Variants in SPEG observed in about 807,000 individuals in gnomAD.
SPEG encodes the protein striated muscle enriched protein kinase.
In SPEG, 114 loss-of-function variants were observed where a neutral mutation model predicts 300.4. That is an observed-to-expected ratio of 0.38 (90% CI 0.33 to 0.44). SPEG has a LOEUF of 0.44. Ranked by LOEUF, SPEG falls within the 20% of genes least tolerant of loss-of-function variation. The pLI, the probability that SPEG is intolerant of heterozygous loss-of-function variation, is 1.00. For synonymous variants in SPEG, 1,964 were observed against 2,018.9 expected, an observed-to-expected ratio of 0.97 and a Z score of 0.73; for missense variants, 4,201 against 4,586.2, an observed-to-expected ratio of 0.92 and a Z score of 2.43.
rs139838766 is a variant in SPEG at position 219,446,865 on chromosome 2, A to G, written c.816-1109A>G. ...TTGTGAGTATTAAATGACTCAATGC[A>G]TTTTAAGCACTTGGTACAAGCCTGG... On this transcript the variant is annotated intron_variant, in intron 3 of 40. Transcript: ENST00000312358. Among the ~76,000 whole-genome samples the G allele has an allele frequency of 6.3e-3, 960 of 151,940 alleles. 8 individuals are homozygous for G. The highest frequency in any genetic ancestry group is 0.011 in the Admixed American group (166 of 15,248).
rs1024009791 is a variant in SPEG at position 219,480,547 on chromosome 2, C to A, written c.5343-124C>A. 41 of 969,666 alleles carry A rather than the reference C, an allele frequency of 4.2e-5. No homozygotes were observed. Among genetic ancestry groups the A allele is most frequent in the Non-Finnish European group, 6.3e-5 (38 of 603,408 alleles). 60.1% of individuals were successfully genotyped at this position (969,666 alleles called of 1,614,324 possible). A position where few individuals can be genotyped will look rare whatever the true frequency, so the allele number is the denominator to read the frequency against. ...CCTCCCTGAAGAAGCCACTCCTGTG[C>A]CCATTGTCCATGGCAGTGTTCCCAG... On this transcript the variant is annotated intron_variant, in intron 25 of 40. Transcript: ENST00000312358. This position sits in a 1 kb window ranked among gnomAD's most constrained non-coding sequence, Gnocchi z 5.3.
rs1413716673 is a variant in SPEG at position 219,484,709 on chromosome 2, C to G, written c.7246C>G (p.Arg2416Gly). 3 of 1,505,404 alleles carry G rather than the reference C, an allele frequency of 2.0e-6. No individual in the cohort carries two copies. In the African/African-American group the frequency reaches 4.3e-5, roughly 22 times the overall value. The allele number at this position is 1,505,404 out of a possible 1,614,324, so 93.3% of individuals were successfully genotyped here. ...VRRLSLSLSQ[R>G]LRRTPPAQRH... Reference sequence around the variant, plus strand: ...CCGCCTCTCGCTGTCACTGTCCCAGCGGCTGCGGCGGACCCCTCCCGCGCA... The same window carrying G: ...CCGCCTCTCGCTGTCACTGTCCCAGGGGCTGCGGCGGACCCCTCCCGCGCA... The change falls in exon 30 of 41, where the codon CGG (arginine) becomes GGG (glycine). Residue 2416 changes from arginine (R) to glycine (G), a missense_variant. Transcript: ENST00000312358.
In SPEG at chr2:219,485,060, T is replaced by C. The variant is rs759340765; in HGVS notation, c.7597T>C (p.Ser2533Pro). 5.4e-5 allele frequency: 83 copies of C among 1,532,142 alleles called. No individual in the cohort carries two copies. Among genetic ancestry groups the C allele is most frequent in the Non-Finnish European group, 8.7e-6 (10 of 1,145,952 alleles). 94.9% of individuals were successfully genotyped at this position (1,532,142 alleles called of 1,614,324 possible). ...ESLGSEASAT[S>P]GSSAPGESRS... ...CCTGGGCTCCGAGGCCAGCGCCACG[T>C]CGGGCTCCTCAGGTGAGGAGGGGCA... is the stretch of plus-strand genomic sequence containing the variant. Residue 2533 changes from serine (S) to proline (P), a missense_variant, in exon 30 of 41, where the codon TCG (serine) becomes CCG (proline). This residue lies in a region of SPEG where 1,578 missense variants were observed against 1,506.0 expected (regional missense o/e 1.05). Transcript: ENST00000312358.
intron 30 of SPEG, 82 bp from the exon 31 acceptor site, chr2:219,485,264 G>T: frequency 6.5e-7 from 1 of 1,537,072 alleles, no homozygotes; most frequent in Non-Finnish European, 8.8e-7. Context: ...GTTCCTTCTG[G>T]TTCTCTGGGC....
chr2:219,462,240 C>A, intron 7 of SPEG, 58 bp from the exon 8 acceptor site: 1 of 1,437,044 alleles, frequency 7.0e-7, no homozygotes, highest in Non-Finnish European at 9.6e-7. Flanking sequence ...ATTCCACAGC[C>A]CCCAGGACCC....
At chr2:219,474,771 C>T (rs1692192513) in intron 18 of SPEG, among the ~76,000 whole-genome samples, 1 of 151,774 alleles carries the variant, frequency 6.6e-6, no homozygotes, top group Admixed American at 6.6e-5. Flanking sequence ...ACAGAGCCTC[C>T]CAATGTTTGC....
chr2:219,466,983 T>C, intron 9 of SPEG, 191 bp from the exon 10 acceptor site: 1 of 1,050,682 alleles, frequency 9.5e-7, no homozygotes. Context: ...CCAGCTTGGA[T>C]TGCCATCTCA....
chr2:219,447,219 G>A (rs892809067), intron 3 of SPEG, among the ~76,000 whole-genome samples: 4 of 151,580 alleles, frequency 2.6e-5, no homozygotes, highest in African/African-American at 9.7e-5. Context: ...CCTGTGGGGG[G>A]GGGCCTTCTG....
In SPEG at chr2:219,479,854, T is replaced by A; in HGVS notation, c.5157T>A (p.Asp1719Glu). ...YLHQSHVLHL[D>E]VKPENLLVWD... ...ACCAGAGCCACGTGCTGCACCTCGA[T>A]GTCAAGGTGAGGTGGGGACTGGAGA... The change falls in exon 24 of 41, where the codon GAT (aspartate) becomes GAA (glutamate). Residue 1719 changes from aspartate (D) to glutamate (E), a missense_variant. Around this residue, in one of 4 missense-constraint regions of SPEG, gnomAD observed 1,047 missense variants for 1,356.8 expected, o/e 0.77. Coordinates refer to ENST00000312358, the MANE Select transcript of SPEG (RefSeq NM_005876.5). The surrounding 1 kb of genome is among the most constrained non-coding windows in gnomAD (Gnocchi z 5.5). The A allele has an allele frequency of 6.2e-7, 1 of 1,613,906 alleles. No individual in the cohort carries two copies. The highest frequency in any genetic ancestry group is 1.6e-4 in the Middle Eastern group (1 of 6,062).
At chr2:219,482,679 C>T in intron 28 of SPEG, 105 bp from the exon 29 acceptor site, 4 of 964,228 alleles carry the variant, frequency 4.1e-6, no homozygotes, top group Non-Finnish European at 6.5e-6. Context: ...CTGCTCGATC[C>T]ACTCTCTCCT....
At chr2:219,467,510 G>A in intron 10 of SPEG, 76 bp downstream of exon 10, 1 of 1,507,302 alleles carries the variant, frequency 6.6e-7, no homozygotes, top group Non-Finnish European at 8.9e-7. Flanking sequence ...TGTACAGTAA[G>A]ATGCCTGGGA....
intron 31 of SPEG, among the ~76,000 whole-genome samples, chr2:219,485,965 C>T (rs1019171144): frequency 6.6e-6 from 1 of 152,162 alleles, no homozygotes; most frequent in African/African-American, 2.4e-5. Flanking sequence ...CTCCTGCCTC[C>T]ACAGTCCCCC....
rs1176492727 is a variant in SPEG at position 219,451,786 on chromosome 2, G to A, written c.2419G>A (p.Ala807Thr). 6 of 1,548,686 alleles carry A rather than the reference G, an allele frequency of 3.9e-6. No individual in the cohort carries two copies. Among genetic ancestry groups the A allele is most frequent in the Non-Finnish European group, 4.4e-6 (5 of 1,146,142 alleles). The part of the protein sequence containing the change: ...TNELGQATCA[A>T]SLTVRPGGST... Reference sequence around the variant, plus strand: ...CGAGCTGGGCCAGGCCACCTGTGCCGCCTCACTGACCGTGAGACCCGGTAG... The same window carrying A: ...CGAGCTGGGCCAGGCCACCTGTGCCACCTCACTGACCGTGAGACCCGGTAG... Residue 807 changes from alanine to threonine, a missense_variant, in exon 6 of 41, where the codon GCC (alanine) becomes ACC (threonine). Coordinates refer to ENST00000312358, the MANE Select transcript of SPEG (RefSeq NM_005876.5). This position sits in a 1 kb window ranked among gnomAD's most constrained non-coding sequence, Gnocchi z 6.4.
chr2:219,460,708 C>G, intron 6 of SPEG: 2 of 985,484 alleles, frequency 2.0e-6, no homozygotes, highest in Non-Finnish European at 2.4e-6. Flanking sequence ...AGGGCCCAGG[C>G]TGCCTGTGGT....
Position 219,488,682 on chromosome 2 carries a change from GC to G in SPEG, c.8026+21del, listed in dbSNP as rs1426848172. ...CTGTGGCCCGTGAGCCTGGGGCAGG[GC>G]CCCAGGGGGGTAGTGATGGGGATGG... On this transcript the variant is annotated intron_variant, in intron 33 of 40. Transcript: ENST00000312358. 3 of 1,602,424 alleles carry G rather than the reference GC, an allele frequency of 1.9e-6. No individual in the cohort carries two copies. In the African/African-American group the frequency reaches 4.0e-5, roughly 21 times the overall value.
Position 219,484,561 on chromosome 2 carries a change from CGAG to C in SPEG, c.7107_7109del (p.Glu2369del), listed in dbSNP as rs1559423020. The stretch of plus-strand genomic sequence containing the variant: ...AGGAGCGCGGCCCCTTCCGTGGGGC[CGAG>C]GAGGAGGATGGCATATACCGGCCCA... On this transcript the variant is annotated inframe_deletion, in exon 30 of 41. Transcript: ENST00000312358. 3.2e-6 allele frequency: 5 copies of C among 1,586,980 alleles called. No individual in the cohort carries two copies. Among genetic ancestry groups the C allele is most frequent in the Admixed American group, 3.5e-5 (2 of 56,510 alleles).
rs1487827388 is a variant in SPEG at position 219,479,920 on chromosome 2, C to T, written c.5164-42C>T. On this transcript the variant is annotated intron_variant, in intron 24 of 40. Transcript: ENST00000312358. The surrounding 1 kb of genome is among the most constrained non-coding windows in gnomAD (Gnocchi z 5.5). ...GGGAGCCAGGAGGTGAAGCATCCTT[C>T]CTTGTTCATTTGGCCCGCACACCTC... 6.2e-7 allele frequency: 1 copy of T among 1,613,992 alleles called. No homozygotes were observed. Among genetic ancestry groups the T allele is most frequent in the Non-Finnish European group, 8.5e-7 (1 of 1,179,998 alleles).
chr2:219,463,772 A>G (rs1005634032), intron 8 of SPEG, among the ~76,000 whole-genome samples: 2 of 152,006 alleles, frequency 1.3e-5, no homozygotes, highest in Non-Finnish European at 2.9e-5. Context: ...TGGGAAAGCT[A>G]TCTGTCCATT....
At position 219,483,491 on chromosome 2, in the gene SPEG, C is replaced by T; in HGVS notation, c.6028C>T (p.Leu2010Phe). 1.4e-6 allele frequency: 2 copies of T among 1,442,968 alleles called. No homozygotes were observed. The highest frequency in any genetic ancestry group is 1.4e-5 in the South Asian group (1 of 69,688). The allele number at this position is 1,442,968 out of a possible 1,614,324, so 89.4% of individuals were successfully genotyped here. A position where few individuals can be genotyped will look rare whatever the true frequency, so the allele number is the denominator to read the frequency against. Residue 2010 changes from leucine (L) to phenylalanine (F), a missense_variant, in exon 30 of 41, where the codon CTC becomes TTC. By Grantham distance (22) the Leu-to-Phe change is conservative. Transcript: ENST00000312358. ...TGGGGCTAGCCCCAGGCGGGGAGAG[C>T]TCCGCAGGGGCAGCTCGGCTGAGAG... is the stretch of plus-strand genomic sequence containing the variant. ...AAGASPRRGE[L>F]RRGSSAESAL...
Sources: allele counts gnomAD v4.1 joint callset (sites outside exome capture counted in the v4.1 genomes callset), GRCh38; gene constraint gnomAD v4.1.1; regional missense constraint gnomAD v4.1.1; non-coding constraint Gnocchi (gnomAD v3.1); transcripts MANE v1.5; gene names NCBI Gene and HGNC (gene_info 2026-07-23, HGNC 2026-07-21).